The following MLLT6 variants were observed in gnomAD, a reference collection of about 807,000 sequenced individuals.
The protein encoded by MLLT6 is protein AF-17.
MLLT6 carries 22 observed loss-of-function variants against 103.0 expected under a neutral mutation model. The observed-to-expected ratio is 0.21, with a 90% CI of 0.15 to 0.31. MLLT6 has a LOEUF of 0.31. Among genes scored for constraint, MLLT6 ranks in the 10% least tolerant of loss-of-function variants. The pLI is 1.00. For synonymous variants in MLLT6, 606 were observed against 623.5 expected, an observed-to-expected ratio of 0.97 and a Z score of 0.42; for missense variants, 1,199 against 1,441.7, an observed-to-expected ratio of 0.83 and a Z score of 2.73.
intron 4 of MLLT6, chr17:38,708,197 C>T (rs891402943): frequency 1.2e-4 from 45 of 371,626 alleles, no homozygotes; most frequent in South Asian, 6.9e-5. Flanking sequence ...ACACGCTGTT[C>T]GGTGCTGATC....
intron 18 of MLLT6, among the ~76,000 whole-genome samples, chr17:38,723,653 A>G (rs1905874193): frequency 6.6e-6 from 1 of 152,180 alleles, no homozygotes; most frequent in Non-Finnish European, 1.5e-5. Flanking sequence ...GGTTTCTGGG[A>G]CATTAAGAAT....
rs915693871 is a variant in MLLT6, at chr17:38,709,734, A to C, written c.552+159A>C. Among the ~76,000 whole-genome samples the C allele has an allele frequency of 3.9e-5, 6 of 152,246 alleles. No homozygotes were observed. Among genetic ancestry groups the C allele is most frequent in the African/African-American group, 1.4e-4 (6 of 41,470 alleles). ...GGAGCTCTTCATTCGATGAGGAATAAAGTACAGCTTCAGGTGTGTGGATCA... is the reference window on the plus strand; with the variant it reads ...GGAGCTCTTCATTCGATGAGGAATACAGTACAGCTTCAGGTGTGTGGATCA... On this transcript the variant is annotated intron_variant, in intron 6 of 19. Coordinates refer to ENST00000621332, the MANE Select transcript of MLLT6 (RefSeq NM_005937.4). This position sits in a 1 kb window ranked among gnomAD's most constrained non-coding sequence, Gnocchi z 4.3.
Position 38,725,931 on chromosome 17 carries a change from G to A in MLLT6, c.*333G>A, listed in dbSNP as rs1232112143. The stretch of plus-strand genomic sequence containing the variant: ...TGGGCCATGGCAGAAGTAGGGGGTT[G>A]GTTGGACCTGTCACATGAAATGGAT... On this transcript the variant is annotated 3_prime_UTR_variant, in exon 20 of 20. Coordinates refer to ENST00000621332, the MANE Select transcript of MLLT6 (RefSeq NM_005937.4). 2.7e-6 allele frequency: 1 copy of A among 367,446 alleles called. No homozygotes were observed. Among genetic ancestry groups the A allele is most frequent in the African/African-American group, 2.1e-5 (1 of 47,814 alleles). 22.8% of individuals were successfully genotyped at this position (367,446 alleles called of 1,614,324 possible). A position where few individuals can be genotyped will look rare whatever the true frequency, so the allele number is the denominator to read the frequency against.
intron 6 of MLLT6, among the ~76,000 whole-genome samples, chr17:38,710,669 G>A (rs1240080014): frequency 1.3e-5 from 2 of 151,388 alleles, no homozygotes; most frequent in South Asian, 2.1e-4. Flanking sequence ...TTGAATACCT[G>A]GGGGGTGCCA....
intron 4 of MLLT6, 186 bp downstream of exon 4, chr17:38,708,058 T>C: frequency 1.7e-6 from 1 of 589,706 alleles, no homozygotes; most frequent in South Asian, 2.0e-5. Flanking sequence ...GGCACTCAGG[T>C]GAAATAGTAG....
rs1290894955 is a variant in MLLT6 at position 38,705,566 on chromosome 17, TC to T, written c.-61del. 4.5e-5 allele frequency: 11 copies of T among 245,984 alleles called. No individual in the cohort carries two copies. The highest frequency in any genetic ancestry group is 1.4e-4 in the South Asian group (3 of 20,970). 15.2% of individuals were successfully genotyped at this position (245,984 alleles called of 1,614,324 possible). On this transcript the variant is annotated 5_prime_UTR_variant, in exon 1 of 20. Transcript: ENST00000621332. ...GGCGCGCGGCCCCCCGCTCCCTCCC[TC>T]CCCCCTGACCCCCGACCCCCGCCGG...
At position 38,719,562 on chromosome 17, in the gene MLLT6, C is replaced by A; in HGVS notation, c.1988C>A (p.Pro663His). 1 of 1,611,084 alleles carries A rather than the reference C, an allele frequency of 6.2e-7. No homozygotes were observed. Among genetic ancestry groups the A allele is most frequent in the South Asian group, 1.1e-5 (1 of 90,244 alleles). Residue 663 changes from proline to histidine, a missense_variant, in exon 13 of 20, where the codon CCT (proline) becomes CAT (histidine). Around this residue, in one of 7 missense-constraint regions of MLLT6, gnomAD observed 1,034 missense variants for 1,091.5 expected, o/e 0.95. Transcript: ENST00000621332. ...AGCTTCCGGTGTCGGGGGACCTCCCCTCAGGAGAGTCTGTCTTCCATGTGA... is the reference window on the plus strand; with the variant it reads ...AGCTTCCGGTGTCGGGGGACCTCCCATCAGGAGAGTCTGTCTTCCATGTGA... ...DCSFRCRGTS[P>H]QESLSSMSPI...
chr17:38,721,852 C>G, intron 16 of MLLT6, 26 bp from the exon 17 acceptor site: 1 of 1,491,176 alleles, frequency 6.7e-7, no homozygotes, highest in East Asian at 2.5e-5. Context: ...GGCCCTCTGA[C>G]CCCTCCCTTC....
Position 38,724,821 on chromosome 17 carries a change from G to A in MLLT6, c.3085G>A (p.Ala1029Thr). 6.3e-7 allele frequency: 1 copy of A among 1,598,770 alleles called. No homozygotes were observed. Among genetic ancestry groups the A allele is most frequent in the Non-Finnish European group, 8.5e-7 (1 of 1,173,230 alleles). ...CCTGCTGCCCGCTGGAGCCCTAGTG[G>A]CTCCCTCGCTTGGCAACAACACAAG... ...PPLLPAGALV[A>T]PSLGNNTSLM... Residue 1029 changes from alanine (A) to threonine (T), a missense_variant, in exon 19 of 20, where the codon GCT (alanine) becomes ACT (threonine). By Grantham distance (58) the Ala-to-Thr change is moderately conservative (BLOSUM62 0). This residue lies in a region of MLLT6 where 55 missense variants were observed against 93.3 expected (regional missense o/e 0.59). Transcript: ENST00000621332. The surrounding 1 kb of genome is among the most constrained non-coding windows in gnomAD (Gnocchi z 5.4).
In MLLT6 at chr17:38,713,216, G is replaced by A. The variant is rs532535374; in HGVS notation, c.819+427G>A. 3.9e-4 allele frequency: 214 copies of A among 555,464 alleles called. 2 individuals are homozygous for A. The Middle Eastern group carries it at 4.0e-3, about 10-fold the overall frequency. The allele number at this position is 555,464 out of a possible 1,614,324, so 34.4% of individuals were successfully genotyped here. A position where few individuals can be genotyped will look rare whatever the true frequency, so the allele number is the denominator to read the frequency against. On this transcript the variant is annotated intron_variant, in intron 8 of 19. Transcript: ENST00000621332. The stretch of plus-strand genomic sequence containing the variant: ...AATCCCACTCTGTGCAGGTTGGAGG[G>A]GCTGAAAGTTCTGACCAAGGTGGCA...
intron 18 of MLLT6, 54 bp downstream of exon 18, chr17:38,722,822 A>G: frequency 7.5e-7 from 1 of 1,333,558 alleles, no homozygotes; most frequent in Non-Finnish European, 1.1e-6. Context: ...CTGGAAGGGC[A>G]CATCTCAGAG....
chr17:38,713,660 C>T (rs1054527288), intron 8 of MLLT6: 5 of 152,356 alleles, frequency 3.3e-5, no homozygotes, highest in African/African-American at 9.7e-5. Flanking sequence ...TCATTCATGC[C>T]CTCTGACCTT....
At position 38,705,474 on chromosome 17, in the gene MLLT6, G is replaced by A; in HGVS notation, c.-159G>A. 1 of 460,536 alleles carries A rather than the reference G, an allele frequency of 2.2e-6. No individual in the cohort carries two copies. Among genetic ancestry groups the A allele is most frequent in the Non-Finnish European group, 3.9e-6 (1 of 256,242 alleles). The allele number at this position is 460,536 out of a possible 1,614,324, so 28.5% of individuals were successfully genotyped here. A position where few individuals can be genotyped will look rare whatever the true frequency, so the allele number is the denominator to read the frequency against. ...AGGAGGAGGAGGAGGAGGACGCGGAGGAGGAGGAAGGAGGAGGCAAAGAAA... is the reference window on the plus strand; with the variant it reads ...AGGAGGAGGAGGAGGAGGACGCGGAAGAGGAGGAAGGAGGAGGCAAAGAAA... On this transcript the variant is annotated 5_prime_UTR_variant, in exon 1 of 20. Coordinates refer to ENST00000621332, the MANE Select transcript of MLLT6 (RefSeq NM_005937.4).
At chr17:38,712,347 G>A (rs926499703) in intron 7 of MLLT6, among the ~76,000 whole-genome samples, 2 of 152,170 alleles carry the variant, frequency 1.3e-5, no homozygotes, top group Non-Finnish European at 2.9e-5. Flanking sequence ...GCATTCCCTC[G>A]CGCCACATAG....
intron 18 of MLLT6, among the ~76,000 whole-genome samples, chr17:38,723,406 C>T (rs1905863755): frequency 6.6e-6 from 1 of 152,058 alleles, no homozygotes; most frequent in Admixed American, 6.5e-5. Flanking sequence ...GCAGGAGAAT[C>T]GCTTGAACTG....
Position 38,722,182 on chromosome 17 carries a change from A to G in MLLT6, c.2747A>G (p.Gln916Arg). Residue 916 changes from glutamine (Q) to arginine (R), a missense_variant, in exon 17 of 20, where the codon CAG (glutamine) becomes CGG (arginine). Around this residue, in one of 7 missense-constraint regions of MLLT6, gnomAD observed 1,034 missense variants for 1,091.5 expected, o/e 0.95. Coordinates refer to ENST00000621332, the MANE Select transcript of MLLT6 (RefSeq NM_005937.4). ...GCCCCCAACCCCGCAAGCTTGAGCC[A>G]GGCTGGCGGGGCCCCCACGCTGCAG... ...AAAPNPASLS[Q>R]AGGAPTLQLP... 7.3e-7 allele frequency: 1 copy of G among 1,366,508 alleles called. No individual in the cohort carries two copies. The highest frequency in any genetic ancestry group is 1.7e-5 in the South Asian group (1 of 58,204). 84.6% of individuals were successfully genotyped at this position (1,366,508 alleles called of 1,614,324 possible).
chr17:38,705,676 G>A lies in MLLT6; in HGVS notation c.44G>A (p.Arg15Lys). ...GGCTGCTGCGTATGTTCGGACGAGA[G>A]GGGCTGGGCCGAGAACCCGCTGGTC... ...VGGCCVCSDE[R>K]GWAENPLVYC... The change falls in exon 1 of 20, where the codon AGG becomes AAG. Residue 15 changes from arginine to lysine, a missense_variant. Physicochemically the swap from Arg to Lys is conservative, Grantham distance 26. Transcript: ENST00000621332. 3 of 1,570,330 alleles carry A rather than the reference G, an allele frequency of 1.9e-6. No individual in the cohort carries two copies. The highest frequency in any genetic ancestry group is 2.6e-6 in the Non-Finnish European group (3 of 1,156,930).
At chr17:38,715,850 G>A (rs1905318274) in intron 9 of MLLT6, 22 bp downstream of exon 9, 4 of 1,563,762 alleles carry the variant, frequency 2.6e-6, no homozygotes, top group Admixed American at 1.9e-5. Flanking sequence ...CATCCGGGAG[G>A]AAGCTGGGAG....
chr17:38,718,180 G>C (rs1379197932), intron 12 of MLLT6: 2 of 428,804 alleles, frequency 4.7e-6, no homozygotes, highest in Non-Finnish European at 8.2e-6. Flanking sequence ...TTTGAGACCA[G>C]CCTGGCCAAC....
Sources: gnomAD v4.1 joint callset for allele counts (sites outside exome capture counted in the v4.1 genomes callset) on GRCh38, gnomAD v4.1.1 for gene constraint, gnomAD v4.1.1 regional missense constraint, Gnocchi (gnomAD v3.1) non-coding constraint, MANE v1.5 for transcripts, NCBI Gene and HGNC (gene_info 2026-07-23, HGNC 2026-07-21) for gene names.